MTX3: variants seen among roughly 807,000 people sequenced by gnomAD.
The protein encoded by MTX3 is metaxin-3.
Under a neutral mutation model 42.5 loss-of-function variants are expected in MTX3, and 27 were observed. The observed-to-expected ratio is 0.64, with a 90% CI of 0.47 to 0.88. The LOEUF (loss-of-function observed/expected upper bound fraction) is 0.88. Ranked by LOEUF, MTX3 falls within the 40% of genes least tolerant of loss-of-function variation. The probability of loss-of-function intolerance (pLI) is 0.00; values close to 1 mark genes in which losing one functional copy is unlikely to be tolerated. For synonymous variants in MTX3, 144 were observed against 132.9 expected, an observed-to-expected ratio of 1.08 and a Z score of -0.57; for missense variants, 378 against 367.0, an observed-to-expected ratio of 1.03 and a Z score of -0.25.
chr5:79,985,939 T>TA lies in MTX3; in HGVS notation c.740-281_740-280insT, dbSNP rs1561282155. 6.2e-5 allele frequency among the ~76,000 whole-genome samples: 6 copies of TA among 96,816 alleles called. 2 individuals are homozygous for TA. The highest frequency in any genetic ancestry group is 1.2e-4 in the African/African-American group (3 of 24,672). 63.5% of individuals were successfully genotyped at this position (96,816 alleles called of 152,430 possible). On this transcript the variant is annotated intron_variant, in intron 7 of 8. Transcript: ENST00000512528. ...ACAATAATTAGTTTTTTTTTTTTTT[T>TA]GAAAAAAAAAGCACAGTAGTCCTCA... is the stretch of plus-strand genomic sequence containing the variant.
Position 79,983,349 on chromosome 5 carries a change from T to G in MTX3, c.*335A>C. On this transcript the variant is annotated 3_prime_UTR_variant, in exon 9 of 9. Coordinates refer to ENST00000512528, the MANE Select transcript of MTX3 (RefSeq NM_001363818.2). ...AATCAAATAAATTAGGAGTGCACAT[T>G]CAGAACAGAATTGTAGCCTTTGGTC... 1 of 230,106 alleles carries G rather than the reference T, an allele frequency of 4.3e-6. No homozygotes were observed. The highest frequency in any genetic ancestry group is 5.1e-5 in the Admixed American group (1 of 19,448). 14.3% of individuals were successfully genotyped at this position (230,106 alleles called of 1,614,324 possible).
chr5:79,985,638 T>C lies in MTX3; in HGVS notation c.761A>G (p.Glu254Gly), dbSNP rs771378899. Residue 254 changes from glutamate (E) to glycine (G), a missense_variant, in exon 8 of 9, where the codon GAA becomes GGA. Transcript: ENST00000512528. Reference protein sequence around the residue: ...SLGGISPAGQETVDANLQKLT... With the variant: ...SLGGISPAGQGTVDANLQKLT... ...TTTCTGCAGATTTGCATCTACCGTT[T>C]CTTGTCCAGCTGGAGAGATGCCTAA... 18 of 1,613,126 alleles carry C rather than the reference T, an allele frequency of 1.1e-5. No homozygotes were observed. In the South Asian group the frequency reaches 2.0e-4, roughly 18 times the overall value.
In MTX3 at chr5:79,980,296, T is replaced by C. The variant is rs1053670200; in HGVS notation, c.*3388A>G. ...TGCCTCTTTCAATGGTGTTTTTCCATTTTTACAGACTTCTGAAAATTTTAG... is the reference window on the plus strand; with the variant it reads ...TGCCTCTTTCAATGGTGTTTTTCCACTTTTACAGACTTCTGAAAATTTTAG... On this transcript the variant is annotated 3_prime_UTR_variant, in exon 9 of 9. Transcript: ENST00000512528. 6.6e-6 allele frequency: 1 copy of C among 152,198 alleles called. No homozygotes were observed. Among genetic ancestry groups the C allele is most frequent in the Non-Finnish European group, 1.5e-5 (1 of 68,026 alleles). The allele number at this position is 152,198 out of a possible 1,614,324, so 9.4% of individuals were successfully genotyped here. A position where few individuals can be genotyped will look rare whatever the true frequency, so the allele number is the denominator to read the frequency against.
intron 7 of MTX3, chr5:79,986,511 C>T: frequency 3.3e-6 from 1 of 301,298 alleles, no homozygotes. Flanking sequence ...GGAATCATGG[C>T]AGTGTACCTC....
In MTX3 at chr5:79,980,767, C is replaced by T. The variant is rs1831355027; in HGVS notation, c.*2917G>A. 1 of 152,154 alleles carries T rather than the reference C, an allele frequency of 6.6e-6. No individual in the cohort carries two copies. The highest frequency in any genetic ancestry group is 2.4e-5 in the African/African-American group (1 of 41,418). The allele number at this position is 152,154 out of a possible 1,614,324, so 9.4% of individuals were successfully genotyped here. A position where few individuals can be genotyped will look rare whatever the true frequency, so the allele number is the denominator to read the frequency against. ...CAGTATTCTGTTTAAGATTGTGGAC[C>T]ATTTATCCCAATGAACTCACTCAAA... On this transcript the variant is annotated 3_prime_UTR_variant, in exon 9 of 9. Coordinates refer to ENST00000512528, the MANE Select transcript of MTX3 (RefSeq NM_001363818.2).
At position 79,985,586 on chromosome 5, in the gene MTX3, G is replaced by A; in HGVS notation, c.813C>T (p.Ser271=). The change falls in exon 8 of 9, where the codon TCC becomes TCT. Residue 271 remains serine, a synonymous_variant. Transcript: ENST00000512528. ...QKLTQLVNKE[S]NLIEKMDDNL... ...TAGACTTGACCTTTTCAATCAAGTT[G>A]GATTCCTTATTTACAAGTTGTGTGA... The A allele has an allele frequency of 8.7e-6, 14 of 1,609,880 alleles. No individual in the cohort carries two copies. The highest frequency in any genetic ancestry group is 1.2e-5 in the Non-Finnish European group (14 of 1,176,496).
intron 8 of MTX3, among the ~76,000 whole-genome samples, chr5:79,984,528 A>G (rs1317865613): frequency 6.6e-6 from 1 of 152,130 alleles, no homozygotes; most frequent in Non-Finnish European, 1.5e-5. Context: ...AAGCTCAAAT[A>G]ACACAGTGGT....
chr5:79,989,494 T>A (rs963614595), intron 3 of MTX3, among the ~76,000 whole-genome samples: 1 of 152,226 alleles, frequency 6.6e-6, no homozygotes, highest in African/African-American at 2.4e-5. Context: ...TGCTTGTTAA[T>A]GACCTAGTTC....
In MTX3 at chr5:79,991,122, C is replaced by A. The variant is rs1359773575; in HGVS notation, c.81+36G>T. 3 of 1,542,646 alleles carry A rather than the reference C, an allele frequency of 1.9e-6. No individual in the cohort carries two copies. In the South Asian group the frequency reaches 3.6e-5, roughly 18 times the overall value. On this transcript the variant is annotated intron_variant, in intron 1 of 8. Transcript: ENST00000512528. Reference sequence around the variant, plus strand: ...CAGCCTGGCGCCTCCAGCCCCGCCCCTTCCTCCTGCGCCCTGGCCCGCGAG... The same window carrying A: ...CAGCCTGGCGCCTCCAGCCCCGCCCATTCCTCCTGCGCCCTGGCCCGCGAG...
Position 79,983,644 on chromosome 5 carries a change from G to GC in MTX3, c.*39dup. The GC allele has an allele frequency of 1.4e-6, 2 of 1,416,680 alleles. No homozygotes were observed. The highest frequency in any genetic ancestry group is 2.3e-5 in the East Asian group (1 of 43,998). 87.8% of individuals were successfully genotyped at this position (1,416,680 alleles called of 1,614,324 possible). On this transcript the variant is annotated 3_prime_UTR_variant, in exon 9 of 9. Coordinates refer to ENST00000512528, the MANE Select transcript of MTX3 (RefSeq NM_001363818.2). ...CACACACTTGGTGTAAGAGATTACT[G>GC]CAACAATCGTTTGACTTTGGCCACA...
In MTX3 at chr5:79,987,609, A is replaced by T. The variant is rs566832910; in HGVS notation, c.582-502T>A. Among the ~76,000 whole-genome samples the T allele has an allele frequency of 5.4e-4, 82 of 152,138 alleles. 1 individual carries two copies. Among genetic ancestry groups the T allele is most frequent in the Admixed American group, 2.6e-4 (4 of 15,270 alleles). ...TTCAGTTTACAAAAATTATGCAACC[A>T]AGGTTTTACTCATTGAGTAGCTTAG... is the stretch of plus-strand genomic sequence containing the variant. On this transcript the variant is annotated intron_variant, in intron 6 of 8. Coordinates refer to ENST00000512528, the MANE Select transcript of MTX3 (RefSeq NM_001363818.2).
chr5:79,991,047 G>A lies in MTX3; in HGVS notation c.81+111C>T, dbSNP rs1414265288. ...GGAGCCCAGGGCAATGCAGCGTGCA[G>A]CGGCTCGGCCCTCCTGGACCCCGCA... On this transcript the variant is annotated intron_variant, in intron 1 of 8. Coordinates refer to ENST00000512528, the MANE Select transcript of MTX3 (RefSeq NM_001363818.2). The A allele has an allele frequency of 8.1e-6, 9 of 1,112,868 alleles. No individual in the cohort carries two copies. The Admixed American group carries it at 1.2e-4, about 15-fold the overall frequency. 68.9% of individuals were successfully genotyped at this position (1,112,868 alleles called of 1,614,324 possible).
chr5:79,990,831 T>A, intron 1 of MTX3, 168 bp from the exon 2 acceptor site: 1 of 726,606 alleles, frequency 1.4e-6, no homozygotes, highest in South Asian at 1.5e-5. Context: ...CACCCGGCTT[T>A]CGAGGACTTT....
In MTX3 at chr5:79,980,575, AAAAAATC is replaced by A. The variant is rs2151138752; in HGVS notation, c.*3102_*3108del. 6.6e-6 allele frequency: 1 copy of A among 152,260 alleles called. No homozygotes were observed. The highest frequency in any genetic ancestry group is 2.4e-5 in the African/African-American group (1 of 41,548). The allele number at this position is 152,260 out of a possible 1,614,324, so 9.4% of individuals were successfully genotyped here. On this transcript the variant is annotated 3_prime_UTR_variant, in exon 9 of 9. Transcript: ENST00000512528. ...TCTTTAGTGTTACTTAAAAAAAAAA[AAAAAATC>A]AATCTGATGGATGATTGATGGTAGT...
intron 6 of MTX3, among the ~76,000 whole-genome samples, chr5:79,987,886 GC>G (rs1831534555): frequency 2.0e-5 from 3 of 152,270 alleles, no homozygotes; most frequent in Admixed American, 2.0e-4. Flanking sequence ...CGTGATCTCA[GC>G]TCACTGCAAC....
At position 79,990,607 on chromosome 5, in the gene MTX3, C is replaced by G; in HGVS notation, c.138G>C (p.Trp46Cys). The G allele has an allele frequency of 1.9e-6, 3 of 1,610,390 alleles. No individual in the cohort carries two copies. The highest frequency in any genetic ancestry group is 2.5e-6 in the Non-Finnish European group (3 of 1,177,888). ...TTTACACTATACCTCTTGAACCTCT[C>G]CAGGTGTTATCTATCACATTGACTT... Reference protein sequence around the residue: ...PLKVNVIDNTWRGSRGDVPIL... With the variant: ...PLKVNVIDNTCRGSRGDVPIL... Residue 46 changes from tryptophan to cysteine, a missense_variant, in exon 2 of 9, where the codon TGG becomes TGC. Transcript: ENST00000512528.
In MTX3 at chr5:79,977,315, C is replaced by T. The variant is rs1258982815; in HGVS notation, c.*6369G>A. 1 of 152,216 alleles carries T rather than the reference C, an allele frequency of 6.6e-6. No homozygotes were observed. The highest frequency in any genetic ancestry group is 1.9e-4 in the East Asian group (1 of 5,198). The allele number at this position is 152,216 out of a possible 1,614,324, so 9.4% of individuals were successfully genotyped here. ...TGGCCCCATGACCTTCTCTATGGTTCATGACTTACTGAGGGCTGATGCAAA... is the reference window on the plus strand; with the variant it reads ...TGGCCCCATGACCTTCTCTATGGTTTATGACTTACTGAGGGCTGATGCAAA... On this transcript the variant is annotated 3_prime_UTR_variant, in exon 9 of 9. Transcript: ENST00000512528.
At chr5:79,990,851 A>C (rs1204764510) in intron 1 of MTX3, 188 bp from the exon 2 acceptor site, 2 of 714,628 alleles carry the variant, frequency 2.8e-6, no homozygotes, top group Non-Finnish European at 5.1e-6. Flanking sequence ...TGCTCCCCAA[A>C]AGGTCCTGGG....
In MTX3 at chr5:79,983,754, C is replaced by T. The variant is rs148250497; in HGVS notation, c.869G>A (p.Arg290Gln). Residue 290 changes from arginine (R) to glutamine (Q), a missense_variant, in exon 9 of 9, where the codon CGG becomes CAG. Arg to Gln is a conservative substitution (Grantham distance 43). Coordinates refer to ENST00000512528, the MANE Select transcript of MTX3 (RefSeq NM_001363818.2). ...NLRQSPQLPP[R>Q]KLPTLKLTPA... Reference sequence around the variant, plus strand: ...AGTCAATTTAAGTGTTGGCAGTTTCCGAGGAGGAAGCTGAGGGCTTTGGCG... The same window carrying T: ...AGTCAATTTAAGTGTTGGCAGTTTCTGAGGAGGAAGCTGAGGGCTTTGGCG... 5.0e-5 allele frequency: 81 copies of T among 1,613,738 alleles called. No homozygotes were observed. In the African/African-American group the frequency reaches 7.9e-4, roughly 16 times the overall value.
Sources: gnomAD v4.1 joint callset for allele counts (sites outside exome capture counted in the v4.1 genomes callset) on GRCh38, gnomAD v4.1.1 for gene constraint, MANE v1.5 for transcripts, NCBI Gene and HGNC (gene_info 2026-07-23, HGNC 2026-07-21) for gene names.